TCHH: variants seen among roughly 807,000 people sequenced by gnomAD.
The protein encoded by TCHH is trichohyalin.
In TCHH, 6 loss-of-function variants were observed where a neutral mutation model predicts 6.3. The ratio of observed to expected loss-of-function variants is 0.95; its 90% CI spans 0.52 to 1.88. The LOEUF is 1.88. TCHH is among the 40% of genes most tolerant of loss of function. The pLI is 0.01. For missense variants in TCHH, 2,920 were observed against 2,449.1 expected (o/e 1.19, Z -4.06); for synonymous variants, 1,087 against 963.6 (o/e 1.13, Z -2.37).
chr1:152,112,656 A>G lies in TCHH; in HGVS notation c.561T>C (p.Arg187=), dbSNP rs2101534004. The G allele has an allele frequency of 1.2e-6, 2 of 1,613,732 alleles. No individual in the cohort carries two copies. The highest frequency in any genetic ancestry group is 1.6e-4 in the Middle Eastern group (1 of 6,062). ...AACTCTGCAGCTGCTCTTCCTCTGC[A>G]CGGCGCTCTTCCCGTTCTTGCCATT... ...RQEWQEREER[R]AEEEQLQSCK... The change falls in exon 3 of 3, where the codon CGT becomes CGC. Residue 187 remains arginine, a synonymous_variant. Transcript: ENST00000614923.
Position 152,113,064 on chromosome 1 carries a change from AG to A in TCHH, c.152del (p.Pro51LeufsTer4), listed in dbSNP as rs750432347. ...GTTCCAGGATCAGATCTACCGTCTT[AG>A]GGTCATGTGGTCTCTATAAAAATGG... Reference protein sequence around the residue: ...FGAVLRRPHDPKTVDLILELL... With the variant: ...FGAVLRRPHDXKTVDLILELL... On this transcript the variant is annotated frameshift_variant, in exon 3 of 3. Coordinates refer to ENST00000614923, the MANE Select transcript of TCHH (RefSeq NM_007113.4). LOFTEE classifies it low-confidence loss of function (END_TRUNC). The A allele has an allele frequency of 1.9e-6, 3 of 1,608,920 alleles. No individual in the cohort carries two copies. Among genetic ancestry groups the A allele is most frequent in the Admixed American group, 3.4e-5 (2 of 59,146 alleles).
chr1:152,107,417 T>C lies in TCHH; in HGVS notation c.5800A>G (p.Ile1934Val), dbSNP rs759755741. 1 of 1,597,834 alleles carries C rather than the reference T, an allele frequency of 6.3e-7. No homozygotes were observed. ...CGGTATTGAGATCTCTGCTCTTGGA[T>C]GTACTCATAGAGAGGGCTGGAGCGC... ...PVRSSPLYEY[I>V]QEQRSQYRP is the part of the protein sequence containing the mutation. The change falls in exon 3 of 3, where the codon ATC (isoleucine) becomes GTC (valine). Residue 1934 changes from isoleucine (I) to valine (V), a missense_variant. By Grantham distance (29) the Ile-to-Val change is conservative. Transcript: ENST00000614923.
rs1557808908 is a variant in TCHH, at chr1:152,108,723, C to G, written c.4494G>C (p.Glu1498Asp). Reference protein sequence around the residue: ...LEEEQQLRRQERDRKFREQEL... With the variant: ...LEEEQQLRRQDRDRKFREQEL... ...CCTGTTCGCGGAATTTTCTGTCACG[C>G]TCTTGGCGGCGCAGCTGTTGTTCCT... The change falls in exon 3 of 3, where the codon GAG becomes GAC. Residue 1498 changes from glutamate (E) to aspartate (D), a missense_variant. Physicochemically the swap from Glu to Asp is conservative, Grantham distance 45. Coordinates refer to ENST00000614923, the MANE Select transcript of TCHH (RefSeq NM_007113.4). 2.5e-6 allele frequency: 4 copies of G among 1,612,166 alleles called. No individual in the cohort carries two copies. The highest frequency in any genetic ancestry group is 3.4e-6 in the Non-Finnish European group (4 of 1,179,576).
rs756692273 is a variant in TCHH at position 152,111,082 on chromosome 1, G to A, written c.2135C>T (p.Ala712Val). The stretch of plus-strand genomic sequence containing the variant: ...GTAGACTTTGCTTTGCCGTGCGTCG[G>A]CCTCGCTTTCTAGCTGCCACTGCCA... The part of the protein sequence containing the change: ...PKWQWQLESE[A>V]DARQSKVYSR... Residue 712 changes from alanine to valine, a missense_variant, in exon 3 of 3, where the codon GCC (alanine) becomes GTC (valine). Ala to Val is a moderately conservative substitution (Grantham distance 64). Transcript: ENST00000614923. 3 of 1,613,326 alleles carry A rather than the reference G, an allele frequency of 1.9e-6. No homozygotes were observed. In the African/African-American group the frequency reaches 4.0e-5, roughly 22 times the overall value.
Position 152,107,859 on chromosome 1 carries a change from C to T in TCHH, c.5358G>A (p.Gln1786=). ...TGTCAGACTCTTGGCTGCGCAGCTG[C>T]TGTTCCTCCCTCTCCTGGCGGAGCT... ...EEQLRQEREE[Q]QLRSQESDRK... The change falls in exon 3 of 3, where the codon CAG becomes CAA. Residue 1786 remains glutamine (Q), a synonymous_variant. Coordinates refer to ENST00000614923, the MANE Select transcript of TCHH (RefSeq NM_007113.4). 1 of 1,614,028 alleles carries T rather than the reference C, an allele frequency of 6.2e-7. No homozygotes were observed. Among genetic ancestry groups the T allele is most frequent in the Middle Eastern group, 1.7e-4 (1 of 6,060 alleles).
In TCHH at chr1:152,107,867, C is replaced by A; in HGVS notation, c.5350G>T (p.Glu1784Ter). The change falls in exon 3 of 3, where the codon GAG becomes TAG. Residue 1784 changes from glutamate (E) to a stop codon, truncating the protein, a stop_gained. Coordinates refer to ENST00000614923, the MANE Select transcript of TCHH (RefSeq NM_007113.4). LOFTEE classifies it low-confidence loss of function (END_TRUNC). ...TCTTGGCTGCGCAGCTGCTGTTCCT[C>A]CCTCTCCTGGCGGAGCTGTTCCTCC... ...REEEQLRQER[E>*]EQQLRSQESD... is the part of the protein sequence containing the mutation. 1 of 1,614,126 alleles carries A rather than the reference C, an allele frequency of 6.2e-7. No individual in the cohort carries two copies. Among genetic ancestry groups the A allele is most frequent in the South Asian group, 1.1e-5 (1 of 91,082 alleles).
chr1:152,111,456 C>T lies in TCHH; in HGVS notation c.1761G>A (p.Gln587=), dbSNP rs773609052. The change falls in exon 3 of 3, where the codon CAG becomes CAA. Residue 587 remains glutamine, a synonymous_variant. Transcript: ENST00000614923. ...CTTCCTGCTCGCGCTTCAGCCGCTG[C>T]TGGCGCCTCTCCTCCTCGCGCTTCA... ...QLLKREEERR[Q]QRLKREQEER... The T allele has an allele frequency of 1.2e-6, 2 of 1,611,466 alleles. No homozygotes were observed. The highest frequency in any genetic ancestry group is 1.7e-5 in the Admixed American group (1 of 59,804).
At position 152,112,563 on chromosome 1, in the gene TCHH, C is replaced by T. The variant is rs528697784; in HGVS notation, c.654G>A (p.Leu218=). Residue 218 remains leucine, a synonymous_variant, in exon 3 of 3, where the codon CTG becomes CTA. Coordinates refer to ENST00000614923, the MANE Select transcript of TCHH (RefSeq NM_007113.4). ...EQLRRRELLE[L]RRKGREEKQQ... ...GTTTCTCCTCGCGGCCCTTCCTCCT[C>T]AGCTCCAGCAGCTCCCGCCTTCGCA... 99 of 1,613,580 alleles carry T rather than the reference C, an allele frequency of 6.1e-5. No individual in the cohort carries two copies. In the South Asian group the frequency reaches 8.5e-4, roughly 14 times the overall value.
At chr1:152,114,504 C>T (rs1407752345) in intron 1 of TCHH, among the ~76,000 whole-genome samples, 1 of 152,004 alleles carries the variant, frequency 6.6e-6, no homozygotes, top group Non-Finnish European at 1.5e-5. Context: ...CAGGTAAAAG[C>T]CAAAAGGTGA....
chr1:152,109,268 C>T lies in TCHH; in HGVS notation c.3949G>A (p.Glu1317Lys), dbSNP rs376568730. The T allele has an allele frequency of 4.5e-5, 72 of 1,614,248 alleles. No homozygotes were observed. The highest frequency in any genetic ancestry group is 1.7e-4 in the African/African-American group (13 of 75,072). Residue 1317 changes from glutamate to lysine, a missense_variant, in exon 3 of 3, where the codon GAA becomes AAA. Coordinates refer to ENST00000614923, the MANE Select transcript of TCHH (RefSeq NM_007113.4). ...CTTTCCTCTCTCAGCAACTGCTTTT[C>T]CTCTTGGGACTTCCTGTCGCGCCTT... Reference protein sequence around the residue: ...AKRRDRKSQEEKQLLREEREE... With the variant: ...AKRRDRKSQEKKQLLREEREE...
rs1658141898 is a variant in TCHH, at chr1:152,107,591, G to A, written c.5626C>T (p.Arg1876Trp). Residue 1876 changes from arginine to tryptophan, a missense_variant, in exon 3 of 3, where the codon CGG (arginine) becomes TGG (tryptophan). Physicochemically the swap from Arg to Trp is moderately radical, Grantham distance 101 (BLOSUM62 -3). Transcript: ENST00000614923. ...TGTTCTTCCCGTAATTTCCTTTCCCGTTCCTGGCGACGTTTCTGCTCCTCT... is the reference window on the plus strand; with the variant it reads ...TGTTCTTCCCGTAATTTCCTTTCCCATTCCTGGCGACGTTTCTGCTCCTCT... ...QEEEQKRRQERERKLREEHIR... is the reference protein window; with the variant it reads ...QEEEQKRRQEWERKLREEHIR... The A allele has an allele frequency of 3.1e-6, 5 of 1,613,988 alleles. No individual in the cohort carries two copies. Among genetic ancestry groups the A allele is most frequent in the South Asian group, 1.1e-5 (1 of 91,076 alleles).
rs759179447 is a variant in TCHH, at chr1:152,110,950, CG to C, written c.2266del (p.Arg756GlyfsTer43). The C allele has an allele frequency of 2.5e-6, 4 of 1,613,246 alleles. No individual in the cohort carries two copies. The highest frequency in any genetic ancestry group is 3.4e-6 in the Non-Finnish European group (4 of 1,179,960). ...LQWQEEERAH[R>X]QQQEEEQRRD... ...GCGCTGCTCCTCTTCCTGCTGCTGC[CG>C]GTGAGCCCGTTCCTCCTCCTGCCAT... is the stretch of plus-strand genomic sequence containing the variant. On this transcript the variant is annotated frameshift_variant, in exon 3 of 3. Transcript: ENST00000614923. LOFTEE classifies it low-confidence loss of function (END_TRUNC).
chr1:152,107,895 G>C lies in TCHH; in HGVS notation c.5322C>G (p.Arg1774=), dbSNP rs1472716914. 4.3e-6 allele frequency: 7 copies of C among 1,612,478 alleles called. No individual in the cohort carries two copies. Among genetic ancestry groups the C allele is most frequent in the Non-Finnish European group, 5.9e-6 (7 of 1,179,734 alleles). The change falls in exon 3 of 3, where the codon CGC becomes CGG. Residue 1774 remains arginine (R), a synonymous_variant. Coordinates refer to ENST00000614923, the MANE Select transcript of TCHH (RefSeq NM_007113.4). ...LRRQERDRKF[R]EEEQLRQERE... ...TCTCCTGGCGGAGCTGTTCCTCCTC[G>C]CGGAATTTTCTGTCGCGCTCCTGGC...
rs777270789 is a variant in TCHH, at chr1:152,111,559, T to C, written c.1658A>G (p.Glu553Gly). Reference sequence around the variant, plus strand: ...CTCCTGCTCGAGCCTCTTCTCCTCCTCGCGCTTCAGCAGCTGCTCGCGCCT... The same window carrying C: ...CTCCTGCTCGAGCCTCTTCTCCTCCCCGCGCTTCAGCAGCTGCTCGCGCCT... ...EERREQLLKR[E>G]EEKRLEQERR... Residue 553 changes from glutamate (E) to glycine (G), a missense_variant, in exon 3 of 3, where the codon GAG becomes GGG. Physicochemically the swap from Glu to Gly is moderately conservative, Grantham distance 98 (BLOSUM62 -2). Transcript: ENST00000614923. 1.4e-5 allele frequency: 23 copies of C among 1,600,900 alleles called. No homozygotes were observed. In the East Asian group the frequency reaches 5.2e-4, roughly 36 times the overall value.
chr1:152,114,819 G>T (rs1658469170), intron 1 of TCHH, among the ~76,000 whole-genome samples: 1 of 152,236 alleles, frequency 6.6e-6, no homozygotes, highest in Non-Finnish European at 1.5e-5. Context: ...AAGCTTCTGA[G>T]AGGTCCTTTC....
In TCHH at chr1:152,108,080, C is replaced by T. The variant is rs1572154344; in HGVS notation, c.5137G>A (p.Glu1713Lys). The change falls in exon 3 of 3, where the codon GAA (glutamate) becomes AAA (lysine). Residue 1713 changes from glutamate (E) to lysine (K), a missense_variant. Coordinates refer to ENST00000614923, the MANE Select transcript of TCHH (RefSeq NM_007113.4). ...AGTTCCTGGCGGCGCAGCTGCTGTTCCTCCTGGAGGAATTTTCTCTCTCGT... is the reference window on the plus strand; with the variant it reads ...AGTTCCTGGCGGCGCAGCTGCTGTTTCTCCTGGAGGAATTTTCTCTCTCGT... ...QERERKFLQE[E>K]QQLRRQELER... The T allele has an allele frequency of 6.2e-7, 1 of 1,612,932 alleles. No individual in the cohort carries two copies. The highest frequency in any genetic ancestry group is 2.2e-5 in the East Asian group (1 of 44,738).
rs143222885 is a variant in TCHH at position 152,110,481 on chromosome 1, C to G, written c.2736G>C (p.Glu912Asp). The G allele has an allele frequency of 5.0e-4, 808 of 1,611,468 alleles. 1 individual carries two copies. In the African/African-American group the frequency reaches 7.9e-3, roughly 16 times the overall value. Reference protein sequence around the residue: ...EQQLLQEEEEELQREEREKRR... With the variant: ...EQQLLQEEEEDLQREEREKRR... ...TCTTCTCGCGCTCCTCTCTCTGTAG[C>G]TCCTCCTCCTCCTCCTGCAGCAGCT... Residue 912 changes from glutamate to aspartate, a missense_variant, in exon 3 of 3, where the codon GAG (glutamate) becomes GAC (aspartate). Glu to Asp is a conservative substitution (Grantham distance 45). Coordinates refer to ENST00000614923, the MANE Select transcript of TCHH (RefSeq NM_007113.4).
rs534108562 is a variant in TCHH, at chr1:152,110,492, C to T, written c.2725G>A (p.Glu909Lys). The part of the protein sequence containing the change: ...LRKEQQLLQE[E>K]EEELQREERE... Reference sequence around the variant, plus strand: ...TCCTCTCTCTGTAGCTCCTCCTCCTCCTCCTGCAGCAGCTGCTGTTCCTTC... The same window carrying T: ...TCCTCTCTCTGTAGCTCCTCCTCCTTCTCCTGCAGCAGCTGCTGTTCCTTC... Residue 909 changes from glutamate to lysine, a missense_variant, in exon 3 of 3, where the codon GAG (glutamate) becomes AAG (lysine). Transcript: ENST00000614923. The T allele has an allele frequency of 5.0e-6, 8 of 1,614,234 alleles. No homozygotes were observed. In the African/African-American group the frequency reaches 8.0e-5, roughly 16 times the overall value.
rs761753144 is a variant in TCHH at position 152,108,677 on chromosome 1, C to T, written c.4540G>A (p.Glu1514Lys). 7 of 1,612,384 alleles carry T rather than the reference C, an allele frequency of 4.3e-6. No individual in the cohort carries two copies. The highest frequency in any genetic ancestry group is 4.5e-5 in the East Asian group (2 of 44,638). The part of the protein sequence containing the change: ...REQELRSQEP[E>K]RKFLEEEQQL... The stretch of plus-strand genomic sequence containing the variant: ...TGTTCCTCCTCGAGGAATTTTCTCT[C>T]TGGTTCCTGACTGCGCAGTTCCTGT... The change falls in exon 3 of 3, where the codon GAG (glutamate) becomes AAG (lysine). Residue 1514 changes from glutamate (E) to lysine (K), a missense_variant. By Grantham distance (56) the Glu-to-Lys change is moderately conservative. Coordinates refer to ENST00000614923, the MANE Select transcript of TCHH (RefSeq NM_007113.4).
Sources: gnomAD v4.1 joint callset for allele counts (sites outside exome capture counted in the v4.1 genomes callset) on GRCh38, gnomAD v4.1.1 for gene constraint, MANE v1.5 for transcripts, NCBI Gene and HGNC (gene_info 2026-07-23, HGNC 2026-07-21) for gene names.